TXNRD1: variants seen among roughly 807,000 people sequenced by gnomAD.
TXNRD1 encodes the protein thioredoxin reductase 1.
A neutral mutation model predicts 80.3 loss-of-function variants in TXNRD1; 57 were observed. The observed-to-expected ratio is 0.71, with a 90% CI of 0.57 to 0.89. The LOEUF (loss-of-function observed/expected upper bound fraction) is 0.89. Among genes scored for constraint, TXNRD1 ranks in the 40% least tolerant of loss-of-function variants. The probability of loss-of-function intolerance (pLI) is 0.00; values close to 1 mark genes in which losing one functional copy is unlikely to be tolerated. For synonymous variants in TXNRD1, 291 were observed against 285.2 expected (o/e 1.02, Z -0.20); for missense variants, 730 against 803.0 (o/e 0.91, Z 1.10).
At chr12:104,261,556 CG>C (rs2033369479) in intron 3 of TXNRD1, among the ~76,000 whole-genome samples, 1 of 152,068 alleles carries the variant, frequency 6.6e-6, no homozygotes, top group Admixed American at 6.6e-5. Flanking sequence ...TGGGGAGGTG[CG>C]GTGACTGAAA....
intron 16 of TXNRD1, among the ~76,000 whole-genome samples, chr12:104,339,798 G>A (rs2036262262): frequency 6.6e-6 from 1 of 152,232 alleles, no homozygotes; most frequent in Admixed American, 6.5e-5. Context: ...CATAGGAATG[G>A]TAAGCCAAAA....
chr12:104,309,874 C>A (rs1205597347), intron 4 of TXNRD1: 2 of 1,535,774 alleles, frequency 1.3e-6, no homozygotes, highest in East Asian at 4.9e-5. Context: ...TGCAGTCTTG[C>A]CCCCACTGTT....
intron 3 of TXNRD1, among the ~76,000 whole-genome samples, chr12:104,277,962 C>T (rs1302866840): frequency 1.3e-5 from 2 of 151,160 alleles, no homozygotes; most frequent in Admixed American, 6.6e-5. Context: ...CTGCAACCTC[C>T]GCCTCCCGGG....
chr12:104,221,998 T>C (rs2032367867), intron 1 of TXNRD1, among the ~76,000 whole-genome samples: 1 of 152,118 alleles, frequency 6.6e-6, no homozygotes, highest in Non-Finnish European at 1.5e-5. Flanking sequence ...CTACTGAGCT[T>C]CCCTTTCTTT....
chr12:104,315,521 A>G (rs977252229), intron 6 of TXNRD1, among the ~76,000 whole-genome samples: 1 of 152,278 alleles, frequency 6.6e-6, no homozygotes, highest in East Asian at 1.9e-4. Context: ...TTAATTTTGT[A>G]TCTTTGAAGT....
chr12:104,340,329 A>G (rs957283613), intron 16 of TXNRD1, among the ~76,000 whole-genome samples: 1 of 152,218 alleles, frequency 6.6e-6, no homozygotes. Flanking sequence ...ATTCAGTGTA[A>G]TGACTCAAAC....
intron 3 of TXNRD1, chr12:104,265,400 G>A (rs1451757546): frequency 3.1e-6 from 5 of 1,605,546 alleles, no homozygotes; most frequent in Non-Finnish European, 4.2e-6. Flanking sequence ...TACCGCATGC[G>A]AATCTTTGCG....
At chr12:104,305,000 A>G (rs2034836112) in intron 4 of TXNRD1, 1 of 1,451,406 alleles carries the variant, frequency 6.9e-7, no homozygotes, top group South Asian at 1.4e-5. Context: ...AGTAAAATGT[A>G]AACTGAAGCA....
intron 4 of TXNRD1, chr12:104,304,874 T>C (rs749385426): frequency 1.6e-5 from 26 of 1,611,966 alleles, no homozygotes; most frequent in Non-Finnish European, 3.4e-6. Flanking sequence ...TTTACAGGAG[T>C]GGAAAAACAT....
At chr12:104,288,701 A>G in intron 3 of TXNRD1, 1 of 1,376,748 alleles carries the variant, frequency 7.3e-7, no homozygotes, top group Non-Finnish European at 9.5e-7. Context: ...GCTAGCCTTG[A>G]GGCCATGTTT....
chr12:104,301,575 G>C (rs1304555690), intron 4 of TXNRD1, among the ~76,000 whole-genome samples: 1 of 152,140 alleles, frequency 6.6e-6, no homozygotes, highest in Non-Finnish European at 1.5e-5. Flanking sequence ...CTGACCTCGT[G>C]ATCCGCCCGC....
intron 3 of TXNRD1, among the ~76,000 whole-genome samples, chr12:104,278,866 TA>T (rs2033819925): frequency 6.6e-6 from 1 of 152,200 alleles, no homozygotes; most frequent in African/African-American, 2.4e-5. Context: ...ATTTACCTTG[TA>T]AAAGCTTTTT....
chr12:104,243,889 T>C (rs2135697024), intron 1 of TXNRD1, among the ~76,000 whole-genome samples: 1 of 152,322 alleles, frequency 6.6e-6, no homozygotes, highest in South Asian at 2.1e-4. Context: ...GCTTTCCCCT[T>C]TGTTTCCCTG....
chr12:104,274,979 A>G (rs79747063), intron 3 of TXNRD1, among the ~76,000 whole-genome samples: 1,922 of 152,310 alleles, frequency 0.013, 38 homozygotes, highest in African/African-American at 0.045. Flanking sequence ...AAGCAAATGG[A>G]TTGCAGAAGG....
intron 1 of TXNRD1, among the ~76,000 whole-genome samples, chr12:104,240,973 C>T (rs988869153): frequency 5.9e-5 from 9 of 151,558 alleles, no homozygotes; most frequent in Non-Finnish European, 1.2e-4. Context: ...GATCTCCTGA[C>T]TTCGTGATCC....
chr12:104,289,060 C>G lies in TXNRD1; in HGVS notation c.414+20C>G. The G allele has an allele frequency of 6.2e-7, 1 of 1,605,236 alleles. No homozygotes were observed. The highest frequency in any genetic ancestry group is 8.5e-7 in the Non-Finnish European group (1 of 1,173,408). On this transcript the variant is annotated intron_variant, in intron 4 of 16. Coordinates refer to ENST00000525566, the MANE Select transcript of TXNRD1 (RefSeq NM_001093771.3). ...TTGAAGGTAGGAGAGAGTAACGTAT[C>G]TTTTTAAACGGGGGATGAGCTCGTT...
intron 4 of TXNRD1, among the ~76,000 whole-genome samples, chr12:104,298,617 G>A (rs1341502226): frequency 3.9e-5 from 6 of 152,008 alleles, no homozygotes; most frequent in African/African-American, 1.4e-4. Context: ...CCAGCTACTC[G>A]GGAGGCTGAG....
chr12:104,289,089 C>T, intron 4 of TXNRD1, 49 bp downstream of exon 4: 1 of 1,581,762 alleles, frequency 6.3e-7, no homozygotes, highest in Non-Finnish European at 8.6e-7. Context: ...GCTCGTTGAG[C>T]TCAGCGTGGT....
At chr12:104,317,345 C>G (rs1483770420) in intron 7 of TXNRD1, among the ~76,000 whole-genome samples, 2 of 150,362 alleles carry the variant, frequency 1.3e-5, no homozygotes, top group Middle Eastern at 3.3e-3. Context: ...GAACCATAAC[C>G]GCAGTGGCAT....
Sources: gnomAD v4.1 joint callset for allele counts (sites outside exome capture counted in the v4.1 genomes callset) on GRCh38, gnomAD v4.1.1 for gene constraint, MANE v1.5 for transcripts, NCBI Gene and HGNC (gene_info 2026-07-23, HGNC 2026-07-21) for gene names.